The following MDH1 variants were observed in gnomAD, a reference collection of about 807,000 sequenced individuals.
MDH1 encodes the protein malate dehydrogenase 1.
MDH1 carries 15 observed loss-of-function variants against 38.7 expected under a neutral mutation model. That is an observed-to-expected ratio of 0.39 (90% CI 0.26 to 0.60). The LOEUF (loss-of-function observed/expected upper bound fraction) is 0.60, where lower values mean the gene tolerates loss of function less well. Ranked by LOEUF, MDH1 falls within the 20% of genes least tolerant of loss-of-function variation. The pLI, the probability that MDH1 is intolerant of heterozygous loss-of-function variation, is 0.56. For synonymous variants in MDH1, 144 were observed against 143.6 expected, an observed-to-expected ratio of 1.00 and a Z score of -0.02; for missense variants, 368 against 405.2, an observed-to-expected ratio of 0.91 and a Z score of 0.79.
chr2:63,603,463 T>C (rs1157647720), intron 5 of MDH1, among the ~76,000 whole-genome samples: 1 of 152,134 alleles, frequency 6.6e-6, no homozygotes, highest in Non-Finnish European at 1.5e-5. Flanking sequence ...GAAGGAAGAA[T>C]TGCCCACAAT....
intron 4 of MDH1, among the ~76,000 whole-genome samples, chr2:63,598,785 G>C (rs1234484367): frequency 6.6e-6 from 1 of 151,582 alleles, no homozygotes; most frequent in Non-Finnish European, 1.5e-5. Context: ...AGTACTCCTT[G>C]CACAGTAATT....
chr2:63,600,566 T>C (rs577576672), intron 5 of MDH1, among the ~76,000 whole-genome samples: 2 of 152,354 alleles, frequency 1.3e-5, no homozygotes, highest in East Asian at 3.9e-4. Context: ...ATAAGATCTG[T>C]TTTAAGCCCT....
chr2:63,593,716 C>G, intron 1 of MDH1: 1 of 471,182 alleles, frequency 2.1e-6, no homozygotes, highest in South Asian at 1.5e-5. Context: ...TTCTGTCTAA[C>G]TAAACCTACC....
intron 1 of MDH1, chr2:63,589,438 CCA>C (rs1491508022): frequency 2.9e-5 from 44 of 1,510,382 alleles, no homozygotes; most frequent in South Asian, 3.6e-5. Flanking sequence ...CCTCATTTGC[CCA>C]CAGTGTTTAT....
intron 8 of MDH1, among the ~76,000 whole-genome samples, chr2:63,606,460 T>C (rs1450567611): frequency 6.6e-6 from 1 of 152,214 alleles, no homozygotes; most frequent in Non-Finnish European, 1.5e-5. Context: ...TAAAACTATA[T>C]GTATTTCAGC....
chr2:63,589,213 G>A, intron 1 of MDH1, 167 bp downstream of exon 1: 1 of 1,577,356 alleles, frequency 6.3e-7, no homozygotes, highest in African/African-American at 1.3e-5. Flanking sequence ...ACCCAGTAAT[G>A]GGAAGGGATT....
chr2:63,594,618 T>C (rs1207567385), intron 2 of MDH1, 32 bp downstream of exon 2: 1 of 1,437,404 alleles, frequency 7.0e-7, no homozygotes, highest in Admixed American at 1.7e-5. Context: ...TCTTAAGTTA[T>C]TAGAGTAAGA....
In MDH1 at chr2:63,588,996, C is replaced by G. The variant is rs751211778; in HGVS notation, c.-48C>G. 2 of 1,614,180 alleles carry G rather than the reference C, an allele frequency of 1.2e-6. No homozygotes were observed. The highest frequency in any genetic ancestry group is 1.7e-6 in the Non-Finnish European group (2 of 1,180,012). ...TCCGCGGTAGAGGTGACCTGACTCT[C>G]TGAGGCTCATTTTGCAGTTGTTGAA... is the stretch of plus-strand genomic sequence containing the variant. On this transcript the variant is annotated 5_prime_UTR_variant, in exon 1 of 9. Coordinates refer to ENST00000233114, the MANE Select transcript of MDH1 (RefSeq NM_005917.4).
chr2:63,591,363 T>C (rs889776532), intron 1 of MDH1, among the ~76,000 whole-genome samples: 2 of 152,246 alleles, frequency 1.3e-5, no homozygotes, highest in African/African-American at 4.8e-5. Flanking sequence ...AGCCTCATAC[T>C]ACCATTAATA....
At position 63,604,705 on chromosome 2, in the gene MDH1, A is replaced by C. The variant is rs1709493602; in HGVS notation, c.508A>C (p.Lys170Gln). ...HNRAKAQIAL[K>Q]LGVTANDVKN... ...TTTTCAATTTAACTAGATTGCTCTT[A>C]AACTTGGTGTGACTGCTAATGATGT... Residue 170 changes from lysine to glutamine, a missense_variant, in exon 6 of 9, where the codon AAA (lysine) becomes CAA (glutamine). Physicochemically the swap from Lys to Gln is moderately conservative, Grantham distance 53. Transcript: ENST00000233114. 1 of 1,613,142 alleles carries C rather than the reference A, an allele frequency of 6.2e-7. No individual in the cohort carries two copies. The highest frequency in any genetic ancestry group is 8.5e-7 in the Non-Finnish European group (1 of 1,179,652).
chr2:63,604,867 G>C lies in MDH1; in HGVS notation c.670G>C (p.Val224Leu). 1 of 1,614,052 alleles carries C rather than the reference G, an allele frequency of 6.2e-7. No individual in the cohort carries two copies. Among genetic ancestry groups the C allele is most frequent in the Non-Finnish European group, 8.5e-7 (1 of 1,179,992 alleles). ...TGACAGCTGGCTCAAGGGAGAATTT[G>C]TCACGGTAAGAAAAATCTGTGAGCC... ...KDDSWLKGEFVTTVQQRGAAV... is the reference protein window; with the variant it reads ...KDDSWLKGEFLTTVQQRGAAV... The change falls in exon 6 of 9, where the codon GTC (valine) becomes CTC (leucine). Residue 224 changes from valine to leucine, a missense_variant. Transcript: ENST00000233114.
chr2:63,600,526 T>C (rs912326652), intron 5 of MDH1, among the ~76,000 whole-genome samples: 2 of 152,254 alleles, frequency 1.3e-5, no homozygotes, highest in African/African-American at 4.8e-5. Flanking sequence ...AATAATTGTA[T>C]CTACCTCAGA....
chr2:63,598,801 T>G (rs750136478), intron 4 of MDH1, among the ~76,000 whole-genome samples: 29 of 151,524 alleles, frequency 1.9e-4, no homozygotes, highest in Non-Finnish European at 4.0e-4. Flanking sequence ...TAATTCCACT[T>G]CTTCAAAGCG....
At chr2:63,592,127 C>T (rs1204511013) in intron 1 of MDH1, among the ~76,000 whole-genome samples, 1 of 152,046 alleles carries the variant, frequency 6.6e-6, no homozygotes, top group African/African-American at 2.4e-5. Flanking sequence ...CCAATGGATT[C>T]CCTGGCCTAA....
intron 5 of MDH1, among the ~76,000 whole-genome samples, chr2:63,601,977 G>A (rs1054825106): frequency 6.6e-6 from 1 of 152,112 alleles, no homozygotes; most frequent in African/African-American, 2.4e-5. Context: ...ATTGAACAGC[G>A]TGCCACTCTA....
Position 63,604,826 on chromosome 2 carries a change from A to G in MDH1, c.629A>G (p.Tyr210Cys). The change falls in exon 6 of 9, where the codon TAT becomes TGT. Residue 210 changes from tyrosine to cysteine, a missense_variant. Physicochemically the swap from Tyr to Cys is radical, Grantham distance 194. Transcript: ENST00000233114. ...TTGCAAGGAAAGGAAGTTGGTGTTT[A>G]TGAAGCTCTGAAAGATGACAGCTGG... is the stretch of plus-strand genomic sequence containing the variant. Reference protein sequence around the residue: ...VKLQGKEVGVYEALKDDSWLK... With the variant: ...VKLQGKEVGVCEALKDDSWLK... 1 of 1,614,246 alleles carries G rather than the reference A, an allele frequency of 6.2e-7. No individual in the cohort carries two copies. The highest frequency in any genetic ancestry group is 8.5e-7 in the Non-Finnish European group (1 of 1,180,046).
At chr2:63,601,100 C>T (rs1709409788) in intron 5 of MDH1, among the ~76,000 whole-genome samples, 1 of 152,194 alleles carries the variant, frequency 6.6e-6, no homozygotes, top group Non-Finnish European at 1.5e-5. Context: ...TCTCCTCAGA[C>T]TTTAACCTTC....
Position 63,597,454 on chromosome 2 carries a change from T to C in MDH1, c.255T>C (p.Ile85=), listed in dbSNP as rs1709336684. 1 of 1,503,268 alleles carries C rather than the reference T, an allele frequency of 6.7e-7. No homozygotes were observed. The highest frequency in any genetic ancestry group is 1.4e-5 in the African/African-American group (1 of 70,652). The allele number at this position is 1,503,268 out of a possible 1,614,324, so 93.1% of individuals were successfully genotyped here. ...CCTTCAAAGACCTGGATGTGGCCATTCTTGTGGGCTCCATGCCAAGAAGGG... is the reference window on the plus strand; with the variant it reads ...CCTTCAAAGACCTGGATGTGGCCATCCTTGTGGGCTCCATGCCAAGAAGGG... ...DVAFKDLDVA[I]LVGSMPRREG... is the part of the protein sequence containing the mutation. The change falls in exon 4 of 9, where the codon ATT becomes ATC. Residue 85 remains isoleucine (I), a synonymous_variant. Coordinates refer to ENST00000233114, the MANE Select transcript of MDH1 (RefSeq NM_005917.4).
intron 1 of MDH1, among the ~76,000 whole-genome samples, chr2:63,592,536 G>A (rs1575719655): frequency 1.3e-5 from 2 of 152,072 alleles, no homozygotes; most frequent in Admixed American, 6.6e-5. Context: ...TTAAGAGACA[G>A]GGTTTCACTA....
Sources: gnomAD v4.1 joint callset for allele counts (sites outside exome capture counted in the v4.1 genomes callset) on GRCh38, gnomAD v4.1.1 for gene constraint, MANE v1.5 for transcripts, NCBI Gene and HGNC (gene_info 2026-07-23, HGNC 2026-07-21) for gene names.